Variants in GRIP1 observed in about 807,000 individuals in gnomAD.
GRIP1 encodes the protein glutamate receptor-interacting protein 1.
A neutral mutation model predicts 129.9 loss-of-function variants in GRIP1; 45 were observed. The observed-to-expected ratio is 0.35, with a 90% CI of 0.27 to 0.44. The LOEUF is 0.44. Ranked by LOEUF, GRIP1 falls within the 20% of genes least tolerant of loss-of-function variation. The probability of loss-of-function intolerance (pLI) is 1.00; values close to 1 mark genes in which losing one functional copy is unlikely to be tolerated. For synonymous variants in GRIP1, 530 were observed against 520.8 expected, an observed-to-expected ratio of 1.02 and a Z score of -0.24; for missense variants, 1,196 against 1,396.8, an observed-to-expected ratio of 0.86 and a Z score of 2.29.
intron 5 of GRIP1, among the ~76,000 whole-genome samples, chr12:66,527,366 G>A (rs1332445118): frequency 2.0e-5 from 3 of 152,088 alleles, no homozygotes; most frequent in Non-Finnish European, 2.9e-5. Context: ...ATGAGTTCAT[G>A]TCCTTTATAG....
At chr12:66,369,827 C>T (rs2055384047) in intron 23 of GRIP1, among the ~76,000 whole-genome samples, 2 of 152,162 alleles carry the variant, frequency 1.3e-5, no homozygotes, top group Non-Finnish European at 2.9e-5. Flanking sequence ...CACCATTGGA[C>T]TTCTTACAGC....
intron 19 of GRIP1, among the ~76,000 whole-genome samples, chr12:66,386,591 A>G (rs1453607349): frequency 6.6e-6 from 1 of 152,136 alleles, no homozygotes; most frequent in Non-Finnish European, 1.5e-5. Context: ...CTGAGATCGC[A>G]CCACTGCACT....
At position 66,979,252 on chromosome 12, in the gene GRIP1, A is replaced by AAC. The variant is rs1555257220; in HGVS notation, c.58+89797_58+89798insGT. On this transcript the variant is annotated intron_variant, in intron 1 of 1. Coordinates refer to the GRIP1 transcript ENST00000643019. ...AAAAAAAAAAAAAAAAAAAAAAAAA[A>AAC]AACAAGCCCGTCATCCTGCAAGTAC... Among the ~76,000 whole-genome samples the AAC allele has an allele frequency of 4.5e-3, 492 of 110,220 alleles. 7 individuals are homozygous for AAC. Among genetic ancestry groups the AAC allele is most frequent in the African/African-American group, 5.2e-3 (157 of 30,162 alleles). 72.3% of individuals were successfully genotyped at this position (110,220 alleles called of 152,430 possible).
At chr12:66,643,689 C>T (rs867681843) in intron 1 of GRIP1, among the ~76,000 whole-genome samples, 2 of 152,076 alleles carry the variant, frequency 1.3e-5, no homozygotes, top group African/African-American at 2.4e-5. Flanking sequence ...CTCAGCCTCC[C>T]AGTAGCTGGG....
intron 1 of GRIP1, among the ~76,000 whole-genome samples, chr12:67,030,033 T>C (rs1261188088): frequency 9.6e-6 from 1 of 104,408 alleles, no homozygotes; most frequent in Non-Finnish European, 2.0e-5. Flanking sequence ...ACCCCGTCTC[T>C]ACTAAAAATA....
intron 6 of GRIP1, among the ~76,000 whole-genome samples, chr12:66,517,131 G>A (rs192490926): frequency 7.6e-4 from 116 of 152,230 alleles, no homozygotes; most frequent in Admixed American, 2.0e-3. Context: ...AGAGACAGGA[G>A]GAATCAGTGC....
At position 66,666,741 on chromosome 12, in the gene GRIP1, T is replaced by C. The variant is rs117437421; in HGVS notation, c.55+12109A>G. Among the ~76,000 whole-genome samples the C allele has an allele frequency of 7.9e-5, 12 of 152,302 alleles. No homozygotes were observed. In the East Asian group the frequency reaches 2.1e-3, roughly 27 times the overall value. On this transcript the variant is annotated intron_variant, in intron 1 of 24. Transcript: ENST00000359742. ...TATACATTTTTGCTTAAGTATAATCTCCAGTCATTTTTTTTCTAAGAGCAT... is the reference window on the plus strand; with the variant it reads ...TATACATTTTTGCTTAAGTATAATCCCCAGTCATTTTTTTTCTAAGAGCAT...
intron 1 of GRIP1, among the ~76,000 whole-genome samples, chr12:66,897,197 A>C (rs1054577470): frequency 6.6e-6 from 1 of 152,226 alleles, no homozygotes; most frequent in African/African-American, 2.4e-5. Context: ...ATGGGCACCC[A>C]CCACCCAGGA....
chr12:66,447,307 G>A (rs548307731), intron 11 of GRIP1, among the ~76,000 whole-genome samples: 1 of 152,240 alleles, frequency 6.6e-6, no homozygotes, highest in African/African-American at 2.4e-5. Context: ...GGTAATGCCC[G>A]GTCAACTCCA....
At chr12:67,016,376 C>T (rs1288185652) in intron 1 of GRIP1, among the ~76,000 whole-genome samples, 1 of 152,006 alleles carries the variant, frequency 6.6e-6, no homozygotes. Flanking sequence ...AATATCATGA[C>T]CTTTATTTAT....
intron 7 of GRIP1, among the ~76,000 whole-genome samples, chr12:66,468,157 C>T (rs2059338662): frequency 2.6e-5 from 4 of 152,102 alleles, no homozygotes; most frequent in Admixed American, 2.6e-4. Flanking sequence ...CAGGTTCCAG[C>T]CAATGGGAAG....
chr12:66,864,772 T>C (rs989523176), intron 1 of GRIP1, among the ~76,000 whole-genome samples: 1 of 152,134 alleles, frequency 6.6e-6, no homozygotes, highest in African/African-American at 2.4e-5. Context: ...TCAAACTCCC[T>C]GTTACTCTGC....
intron 7 of GRIP1, among the ~76,000 whole-genome samples, chr12:66,514,570 G>A (rs188355358): frequency 1.4e-3 from 219 of 152,134 alleles, no homozygotes; most frequent in Non-Finnish European, 2.6e-3. Context: ...GAGAAGAAAG[G>A]AGAGAGGAAA....
intron 1 of GRIP1, among the ~76,000 whole-genome samples, chr12:66,694,578 G>T (rs1317533809): frequency 1.3e-5 from 2 of 152,018 alleles, no homozygotes; most frequent in African/African-American, 4.8e-5. Context: ...TATAAATGAA[G>T]ATAATAAAAA....
chr12:66,771,050 G>A (rs780893339), intron 1 of GRIP1, among the ~76,000 whole-genome samples: 54 of 152,174 alleles, frequency 3.5e-4, no homozygotes, highest in Admixed American at 6.5e-4. Context: ...CCAAGATCAC[G>A]CCATTGCCTT....
intron 1 of GRIP1, among the ~76,000 whole-genome samples, chr12:66,948,490 T>TGAAGAAGCTCATGGACTGGCTCATA (rs1448934434): frequency 1.1e-4 from 17 of 152,192 alleles, no homozygotes; most frequent in African/African-American, 4.1e-4. Flanking sequence ...GAATGAGTGA[T>TGAAGAAGCTCATGGACTGGCTCATA]GAAGAAGCTC....
rs148721425 is a variant in GRIP1 at position 67,036,784 on chromosome 12, C to G, written c.58+32266G>C. ...TACCCATCCATGGCTTCTACGACTC[C>G]TTCTACTTATCCCATCAAGTCCTGA... On this transcript the variant is annotated intron_variant, in intron 1 of 1. Coordinates refer to the GRIP1 transcript ENST00000643019. 4.6e-3 allele frequency among the ~76,000 whole-genome samples: 698 copies of G among 152,204 alleles called. 5 individuals carry two copies. Among genetic ancestry groups the G allele is most frequent in the African/African-American group, 0.016 (661 of 41,538 alleles).
intron 6 of GRIP1, 114 bp from the exon 7 acceptor site, chr12:66,515,878 T>C (rs2060829999): frequency 1.2e-6 from 1 of 827,396 alleles, no homozygotes; most frequent in Non-Finnish European, 2.1e-6. Flanking sequence ...CCATCTCATT[T>C]GCATTCTTTT....
chr12:66,389,344 C>T (rs2056487980), intron 19 of GRIP1, among the ~76,000 whole-genome samples: 2 of 152,206 alleles, frequency 1.3e-5, no homozygotes, highest in African/African-American at 2.4e-5. Flanking sequence ...TCTCCTGCCT[C>T]AGCCTCCCGA....
Sources: gnomAD v4.1 joint callset for allele counts (sites outside exome capture counted in the v4.1 genomes callset) on GRCh38, gnomAD v4.1.1 for gene constraint, MANE v1.5 for transcripts, NCBI Gene and HGNC (gene_info 2026-07-23, HGNC 2026-07-21) for gene names.